The following PLA2R1 variants were observed in gnomAD, a reference collection of about 807,000 sequenced individuals.
PLA2R1 encodes the protein secretory phospholipase A2 receptor.
PLA2R1 carries 158 observed loss-of-function variants against 195.9 expected under a neutral mutation model. The ratio of observed to expected loss-of-function variants is 0.81; its 90% confidence interval spans 0.71 to 0.92. The LOEUF (loss-of-function observed/expected upper bound fraction) is 0.92, where lower values mean the gene tolerates loss of function less well. Among genes scored for constraint, PLA2R1 ranks in the 40% least tolerant of loss-of-function variants. PLA2R1 has a pLI of 0.00. For synonymous variants in PLA2R1, 586 were observed against 598.2 expected, an observed-to-expected ratio of 0.98 and a Z score of 0.30; for missense variants, 1,626 against 1,764.6, an observed-to-expected ratio of 0.92 and a Z score of 1.41.
At chr2:159,983,846 A>G (rs1690136691) in intron 13 of PLA2R1, 82 bp downstream of exon 13, 2 of 647,604 alleles carry the variant, frequency 3.1e-6, no homozygotes, top group Non-Finnish European at 5.2e-6. Context: ...TTAAACAACT[A>G]CTTGGGATAC....
intron 2 of PLA2R1, among the ~76,000 whole-genome samples, chr2:160,043,353 C>T (rs989426752): frequency 2.0e-5 from 3 of 152,094 alleles, no homozygotes; most frequent in Admixed American, 6.5e-5. Flanking sequence ...ACCATGCAGA[C>T]GTGGCCTGCT....
At chr2:159,962,585 G>A (rs1361075914) in intron 20 of PLA2R1, among the ~76,000 whole-genome samples, 1 of 152,196 alleles carries the variant, frequency 6.6e-6, no homozygotes, top group Non-Finnish European at 1.5e-5. Context: ...ACATGCACAT[G>A]TTTGTTTATT....
At chr2:159,992,678 T>A (rs1459965029) in intron 11 of PLA2R1, among the ~76,000 whole-genome samples, 1 of 151,654 alleles carries the variant, frequency 6.6e-6, no homozygotes, top group African/African-American at 2.4e-5. Context: ...GAAGTTCATA[T>A]GGAACCAAAA....
Position 160,013,302 on chromosome 2 carries a change from C to G in PLA2R1, c.1625G>C (p.Gly542Ala). ...VLRSFDQASSGYYCPPALVTI... is the reference protein window; with the variant it reads ...VLRSFDQASSAYYCPPALVTI... The stretch of plus-strand genomic sequence containing the variant: ...TACAAGTGCAGGAGGACAGTAATAA[C>G]CGCTGGAAGCTTGGTCAAAGCTTCG... Residue 542 changes from glycine (G) to alanine (A), a missense_variant, in exon 10 of 30, where the codon GGT (glycine) becomes GCT (alanine). By Grantham distance (60) the Gly-to-Ala change is moderately conservative. Transcript: ENST00000283243. 1 of 1,610,414 alleles carries G rather than the reference C, an allele frequency of 6.2e-7. No individual in the cohort carries two copies. Among genetic ancestry groups the G allele is most frequent in the South Asian group, 1.1e-5 (1 of 90,926 alleles).
At chr2:160,020,722 C>T (rs1693052835) in intron 7 of PLA2R1, among the ~76,000 whole-genome samples, 1 of 152,170 alleles carries the variant, frequency 6.6e-6, no homozygotes, top group Non-Finnish European at 1.5e-5. Flanking sequence ...CAAGGAGATC[C>T]TCTCCAGATG....
At chr2:160,038,596 G>C (rs1376368951) in intron 3 of PLA2R1, among the ~76,000 whole-genome samples, 1 of 152,208 alleles carries the variant, frequency 6.6e-6, no homozygotes, top group African/African-American at 2.4e-5. Flanking sequence ...GCTTAAAGGT[G>C]AGAGAGCAGG....
At chr2:160,017,160 A>G (rs1336968658) in intron 8 of PLA2R1, among the ~76,000 whole-genome samples, 1 of 152,112 alleles carries the variant, frequency 6.6e-6, no homozygotes, top group African/African-American at 2.4e-5. Context: ...GCTGTTCTCA[A>G]TTTTTCTATG....
chr2:159,976,921 G>A (rs1689601846), intron 15 of PLA2R1, among the ~76,000 whole-genome samples: 1 of 152,230 alleles, frequency 6.6e-6, no homozygotes, highest in Admixed American at 6.5e-5. Flanking sequence ...ATTAAAGAAG[G>A]AAGGACATGA....
rs570586007 is a variant in PLA2R1 at position 159,977,879 on chromosome 2, G to A, written c.2269-463C>T. Among the ~76,000 whole-genome samples, 772 of 151,974 alleles carry A rather than the reference G, an allele frequency of 5.1e-3. 1 individual carries two copies. Among genetic ancestry groups the A allele is most frequent in the Non-Finnish European group, 8.3e-3 (565 of 67,988 alleles). ...CAGGAAGCAGAGCTTGCAGTGAGCC[G>A]AAATCCCACCACTGCACTCCAGCCT... On this transcript the variant is annotated intron_variant, in intron 14 of 29. Coordinates refer to ENST00000283243, the MANE Select transcript of PLA2R1 (RefSeq NM_007366.5).
At chr2:160,017,349 G>A (rs1025449085) in intron 8 of PLA2R1, among the ~76,000 whole-genome samples, 5 of 152,122 alleles carry the variant, frequency 3.3e-5, no homozygotes, top group African/African-American at 1.2e-4. Flanking sequence ...GCTGGTCTGG[G>A]GGTCACACTG....
At chr2:160,061,463 T>A (rs1695944920) in intron 1 of PLA2R1, among the ~76,000 whole-genome samples, 1 of 152,144 alleles carries the variant, frequency 6.6e-6, no homozygotes, top group South Asian at 2.1e-4. Context: ...CACTGGGGCT[T>A]CTCTCCCTCA....
At chr2:159,958,021 A>G (rs1027758989) in intron 20 of PLA2R1, among the ~76,000 whole-genome samples, 4 of 152,182 alleles carry the variant, frequency 2.6e-5, no homozygotes, top group Admixed American at 2.6e-4. Flanking sequence ...CTACACTTGA[A>G]AAAGCATCCT....
chr2:160,060,792 T>C (rs1695899827), intron 1 of PLA2R1, among the ~76,000 whole-genome samples: 1 of 152,244 alleles, frequency 6.6e-6, no homozygotes, highest in Admixed American at 6.5e-5. Context: ...ACTTCTGTCC[T>C]GTGGGCTGCT....
intron 7 of PLA2R1, among the ~76,000 whole-genome samples, chr2:160,020,644 GC>G (rs1424466794): frequency 2.0e-5 from 3 of 152,144 alleles, no homozygotes; most frequent in Admixed American, 1.3e-4. Flanking sequence ...ACCTGAGATA[GC>G]ACACTCAGCC....
At chr2:159,946,980 GT>G in intron 26 of PLA2R1, 63 bp from the exon 27 acceptor site, 1 of 1,027,886 alleles carries the variant, frequency 9.7e-7, no homozygotes, top group Non-Finnish European at 1.5e-6. Flanking sequence ...TTTAAAAAAT[GT>G]TTCCTATACT....
chr2:159,995,919 C>T (rs1164523714), intron 11 of PLA2R1, among the ~76,000 whole-genome samples: 1 of 152,024 alleles, frequency 6.6e-6, no homozygotes, highest in Non-Finnish European at 1.5e-5. Context: ...ATCACAGTCA[C>T]CCAAAGTCCC....
At chr2:160,052,486 A>T (rs1413100997) in intron 1 of PLA2R1, among the ~76,000 whole-genome samples, 1 of 152,202 alleles carries the variant, frequency 6.6e-6, no homozygotes, top group Non-Finnish European at 1.5e-5. Context: ...TCTTCCTTTT[A>T]GCTTTTAGTC....
intron 23 of PLA2R1, among the ~76,000 whole-genome samples, chr2:159,952,715 G>A (rs755626050): frequency 6.6e-6 from 1 of 152,154 alleles, no homozygotes; most frequent in Non-Finnish European, 1.5e-5. Flanking sequence ...AATTGAACGA[G>A]ATATCCACAC....
At chr2:159,956,925 T>G (rs1688131325) in intron 20 of PLA2R1, among the ~76,000 whole-genome samples, 1 of 150,928 alleles carries the variant, frequency 6.6e-6, no homozygotes, top group Admixed American at 6.6e-5. Flanking sequence ...GTATTCTTCC[T>G]AAAAAGGAGC....
Sources: allele counts gnomAD v4.1 joint callset (sites outside exome capture counted in the v4.1 genomes callset), GRCh38; gene constraint gnomAD v4.1.1; transcripts MANE v1.5; gene names NCBI Gene and HGNC (gene_info 2026-07-23, HGNC 2026-07-21).